TXNDC15: variants seen among roughly 807,000 people sequenced by gnomAD.
The protein encoded by TXNDC15 is thioredoxin domain containing 15.
A neutral mutation model predicts 35.0 loss-of-function variants in TXNDC15; 24 were observed. The ratio of observed to expected loss-of-function variants is 0.68; its 90% CI spans 0.50 to 0.96. The LOEUF is 0.96. Ranked by LOEUF, TXNDC15 falls within the 40% of genes least tolerant of loss-of-function variation. The probability of loss-of-function intolerance (pLI) is 0.00; values close to 1 mark genes in which losing one functional copy is unlikely to be tolerated. For missense variants in TXNDC15, 385 were observed against 453.3 expected (o/e 0.85, Z 1.37); for synonymous variants, 169 against 174.0 (o/e 0.97, Z 0.23).
At chr5:134,876,191 C>T (rs1261434627) in intron 1 of TXNDC15, among the ~76,000 whole-genome samples, 1 of 152,142 alleles carries the variant, frequency 6.6e-6, no homozygotes, top group African/African-American at 2.4e-5. Context: ...TGGATATCTT[C>T]TGTTTCAGCC....
intron 1 of TXNDC15, among the ~76,000 whole-genome samples, chr5:134,877,405 G>A (rs1293985686): frequency 6.6e-6 from 1 of 152,166 alleles, no homozygotes; most frequent in Admixed American, 6.6e-5. Context: ...GGAGTGACAT[G>A]ATCAGATATG....
At chr5:134,883,523 C>A (rs1283547070) in intron 1 of TXNDC15, among the ~76,000 whole-genome samples, 2 of 145,302 alleles carry the variant, frequency 1.4e-5, no homozygotes, top group Admixed American at 7.2e-5. Flanking sequence ...GGTAGAATCG[C>A]TTGAACCCGG....
chr5:134,899,454 T>C, intron 4 of TXNDC15, 35 bp from the exon 5 acceptor site: 1 of 1,593,236 alleles, frequency 6.3e-7, no homozygotes. Context: ...GGGTGCTTTT[T>C]CTGCCTGATT....
intron 1 of TXNDC15, among the ~76,000 whole-genome samples, chr5:134,880,643 A>G (rs923901756): frequency 1.7e-4 from 26 of 151,834 alleles, no homozygotes; most frequent in Admixed American, 1.6e-3. Context: ...GGGTTTCACC[A>G]TGTTGGCTAG....
rs1750305840 is a variant in TXNDC15, at chr5:134,887,801, C to T, written c.210C>T (p.Gly70=). 2 of 1,614,126 alleles carry T rather than the reference C, an allele frequency of 1.2e-6. No individual in the cohort carries two copies. The highest frequency in any genetic ancestry group is 1.7e-6 in the Non-Finnish European group (2 of 1,180,022). The change falls in exon 2 of 5, where the codon GGC becomes GGT. Residue 70 remains glycine (G), a synonymous_variant. Transcript: ENST00000358387. ...GEEELLHDPM[G]QDRAAEEANA... ...AGGAGCTCCTGCATGACCCGATGGG[C>T]CAGGACAGGGCAGCAGAAGAGGCCA...
Position 134,893,484 on chromosome 5 carries a change from T to C in TXNDC15, c.592-8T>C, listed in dbSNP as rs1750427545. ...TGCTAACTTTAATGCTTGTTTCTTT[T>C]ACCACAGGACCTTATGGATTTTCTG... On this transcript the variant is annotated splice_polypyrimidine_tract_variant and splice_region_variant and intron_variant, in intron 2 of 4. Transcript: ENST00000358387. The C allele has an allele frequency of 6.2e-7, 1 of 1,613,710 alleles. No homozygotes were observed. The highest frequency in any genetic ancestry group is 1.3e-5 in the African/African-American group (1 of 74,916).
chr5:134,894,304 C>T (rs1375048712), intron 3 of TXNDC15, among the ~76,000 whole-genome samples: 1 of 151,388 alleles, frequency 6.6e-6, no homozygotes, highest in African/African-American at 2.4e-5. Flanking sequence ...ATCGTCCTGA[C>T]TTAACCTCCT....
At chr5:134,886,533 C>T (rs1482916593) in intron 1 of TXNDC15, among the ~76,000 whole-genome samples, 1 of 152,240 alleles carries the variant, frequency 6.6e-6, no homozygotes, top group Non-Finnish European at 1.5e-5. Flanking sequence ...CTTCCCTTAT[C>T]TGAGCATTAT....
chr5:134,896,506 T>A, intron 4 of TXNDC15, 82 bp downstream of exon 4: 2 of 1,549,736 alleles, frequency 1.3e-6, no homozygotes, highest in Non-Finnish European at 8.7e-7. Flanking sequence ...TCTGCTATAA[T>A]CCTTAAGTGA....
intron 1 of TXNDC15, among the ~76,000 whole-genome samples, chr5:134,883,587 CAAAAAAAAAAAAA>C (rs60114636): frequency 3.1e-5 from 2 of 65,380 alleles, no homozygotes; most frequent in Non-Finnish European, 5.2e-5. Context: ...GACCCTGTCT[CAAAAAAAAAAAAA>C]AAAAAAAAAA....
chr5:134,875,181 A>G, intron 1 of TXNDC15: 1 of 456,138 alleles, frequency 2.2e-6, no homozygotes, highest in Non-Finnish European at 4.4e-6. Context: ...GTAACCCCCA[A>G]CTTGCCGGTA....
chr5:134,881,907 CT>C (rs1750155570), intron 1 of TXNDC15, among the ~76,000 whole-genome samples: 1 of 151,246 alleles, frequency 6.6e-6, no homozygotes, highest in African/African-American at 2.4e-5. Context: ...AGAGGCGCCC[CT>C]GACCTCCCGG....
chr5:134,896,133 G>A, intron 3 of TXNDC15, 161 bp from the exon 4 acceptor site: 1 of 724,358 alleles, frequency 1.4e-6, no homozygotes, highest in Non-Finnish European at 2.1e-6. Flanking sequence ...TAAGCAAAGA[G>A]GTCAGAAACA....
intron 1 of TXNDC15, among the ~76,000 whole-genome samples, chr5:134,876,477 C>T (rs995174875): frequency 6.6e-6 from 1 of 152,192 alleles, no homozygotes; most frequent in Non-Finnish European, 1.5e-5. Flanking sequence ...GTAACTGGCT[C>T]CTCCTCTACT....
intron 1 of TXNDC15, among the ~76,000 whole-genome samples, 169 bp downstream of exon 1, chr5:134,874,699 C>T (rs952965930): frequency 1.3e-5 from 2 of 152,168 alleles, no homozygotes; most frequent in African/African-American, 2.4e-5. Context: ...GCTGGTGGCC[C>T]GCGAAAGGGG....
chr5:134,879,794 C>CTT (rs57805546), intron 1 of TXNDC15, among the ~76,000 whole-genome samples: 2,789 of 132,884 alleles, frequency 0.021, 139 homozygotes, highest in African/African-American at 0.076. Context: ...TCTTACCTGC[C>CTT]TTTTTTTTTT....
At chr5:134,884,610 A>G (rs1284277351) in intron 1 of TXNDC15, among the ~76,000 whole-genome samples, 1 of 152,000 alleles carries the variant, frequency 6.6e-6, no homozygotes, top group Non-Finnish European at 1.5e-5. Flanking sequence ...TCTTTCGCCC[A>G]GGCTGGAGTG....
chr5:134,875,539 C>T (rs917498731), intron 1 of TXNDC15: 33 of 389,864 alleles, frequency 8.5e-5, no homozygotes, highest in Non-Finnish European at 1.5e-4. Flanking sequence ...GCTCTGTTGC[C>T]CAGGCGGGAG....
At chr5:134,891,432 G>A (rs1248816189) in intron 2 of TXNDC15, among the ~76,000 whole-genome samples, 1 of 152,156 alleles carries the variant, frequency 6.6e-6, no homozygotes, top group African/African-American at 2.4e-5. Flanking sequence ...TTGACCAGGT[G>A]CATTGTCAAC....
Sources: allele counts gnomAD v4.1 joint callset (sites outside exome capture counted in the v4.1 genomes callset), GRCh38; gene constraint gnomAD v4.1.1; transcripts MANE v1.5; gene names NCBI Gene and HGNC (gene_info 2026-07-23, HGNC 2026-07-21).